TRPS1: variants seen among roughly 807,000 people sequenced by gnomAD.
TRPS1 encodes zinc finger transcription factor Trps1.
TRPS1 carries 6 observed loss-of-function variants against 101.2 expected under a neutral mutation model. The ratio of observed to expected loss-of-function variants is 0.06; its 90% CI spans 0.03 to 0.12. The LOEUF (loss-of-function observed/expected upper bound fraction) is 0.12. TRPS1 is among the 10% of genes least tolerant of loss of function. The probability of loss-of-function intolerance (pLI) is 1.00; values close to 1 mark genes in which losing one functional copy is unlikely to be tolerated. For missense variants in TRPS1, 1,363 were observed against 1,567.0 expected, an observed-to-expected ratio of 0.87 and a Z score of 2.20; for synonymous variants, 578 against 589.8, an observed-to-expected ratio of 0.98 and a Z score of 0.29.
At chr8:115,491,224 T>C (rs1396725966) in intron 5 of TRPS1, among the ~76,000 whole-genome samples, 3 of 152,204 alleles carry the variant, frequency 2.0e-5, no homozygotes, top group Non-Finnish European at 4.4e-5. Context: ...ACCTTTGTCT[T>C]TGTCTTTTCC....
At chr8:115,635,771 G>C (rs1358491467) in intron 1 of TRPS1, among the ~76,000 whole-genome samples, 2 of 152,150 alleles carry the variant, frequency 1.3e-5, no homozygotes, top group African/African-American at 2.4e-5. Context: ...GGCTTCTTAA[G>C]GGAACTGAGA....
intron 5 of TRPS1, among the ~76,000 whole-genome samples, chr8:115,450,274 T>G (rs1384594221): frequency 6.6e-6 from 1 of 152,212 alleles, no homozygotes; most frequent in Non-Finnish European, 1.5e-5. Flanking sequence ...AGCCAGAAAG[T>G]GAATTCCAAA....
chr8:115,477,911 C>A (rs1394544898), intron 5 of TRPS1, among the ~76,000 whole-genome samples: 1 of 151,664 alleles, frequency 6.6e-6, no homozygotes, highest in Non-Finnish European at 1.5e-5. Flanking sequence ...ATAGTGTGTT[C>A]AGCAAATCCC....
intron 1 of TRPS1, among the ~76,000 whole-genome samples, chr8:115,638,865 A>G (rs920244728): frequency 1.3e-5 from 2 of 152,162 alleles, no homozygotes; most frequent in African/African-American, 2.4e-5. Context: ...AATGAATAAG[A>G]TAATGTATAC....
chr8:115,500,776 G>C (rs867920901), intron 5 of TRPS1, among the ~76,000 whole-genome samples: 4 of 151,612 alleles, frequency 2.6e-5, no homozygotes. Flanking sequence ...GGGTTTCACC[G>C]TGTTAGCCAG....
chr8:115,565,566 C>T (rs1817049676), intron 5 of TRPS1, among the ~76,000 whole-genome samples: 1 of 150,758 alleles, frequency 6.6e-6, no homozygotes, highest in African/African-American at 2.4e-5. Context: ...TAAGCGTGTG[C>T]TTTCATACAT....
chr8:115,417,721 C>T (rs1812956038), intron 6 of TRPS1, among the ~76,000 whole-genome samples: 1 of 152,124 alleles, frequency 6.6e-6, no homozygotes, highest in Non-Finnish European at 1.5e-5. Flanking sequence ...TATCTTTGCA[C>T]CTTACTCTAC....
At chr8:115,551,533 A>C (rs1236260423) in intron 5 of TRPS1, among the ~76,000 whole-genome samples, 4 of 152,212 alleles carry the variant, frequency 2.6e-5, no homozygotes, top group Non-Finnish European at 5.9e-5. Flanking sequence ...ATGCCACTAA[A>C]GTCTTTATCA....
chr8:115,646,091 G>A (rs921655454), intron 1 of TRPS1, among the ~76,000 whole-genome samples: 1 of 152,054 alleles, frequency 6.6e-6, no homozygotes, highest in African/African-American at 2.4e-5. Context: ...CATAGTTAAT[G>A]ACACACAGAA....
chr8:115,492,223 T>G (rs1375039193), intron 5 of TRPS1: 2 of 456,160 alleles, frequency 4.4e-6, no homozygotes, highest in Non-Finnish European at 8.8e-6. Flanking sequence ...GTGCTCTTGG[T>G]TGGAAGCTTT....
chr8:115,438,098 T>A (rs1253768844), intron 5 of TRPS1, among the ~76,000 whole-genome samples: 1 of 152,092 alleles, frequency 6.6e-6, no homozygotes, highest in Non-Finnish European at 1.5e-5. Flanking sequence ...AATAGGAAAC[T>A]GCAAGGTTCA....
chr8:115,425,222 C>T (rs1460864622), intron 5 of TRPS1, among the ~76,000 whole-genome samples: 1 of 152,116 alleles, frequency 6.6e-6, no homozygotes, highest in Non-Finnish European at 1.5e-5. Context: ...GTGAAGAATC[C>T]GTTGAAATGG....
chr8:115,500,837 T>C (rs1292780004), intron 5 of TRPS1, among the ~76,000 whole-genome samples: 1 of 152,140 alleles, frequency 6.6e-6, no homozygotes, highest in Non-Finnish European at 1.5e-5. Context: ...CCTCCCAAAG[T>C]GCTAGGATTA....
intron 5 of TRPS1, among the ~76,000 whole-genome samples, chr8:115,493,174 T>C (rs16887495): frequency 0.036 from 5,548 of 152,262 alleles, 377 homozygotes; most frequent in African/African-American, 0.13. Context: ...GTGAAAACAT[T>C]TTGTGATCCA....
intron 5 of TRPS1, among the ~76,000 whole-genome samples, chr8:115,488,461 C>T (rs184361256): frequency 1.4e-4 from 22 of 152,058 alleles, no homozygotes; most frequent in Non-Finnish European, 2.5e-4. Flanking sequence ...GAGGCCAAAG[C>T]GGGTGGATCA....
chr8:115,630,128 G>A (rs1450584481), intron 1 of TRPS1, among the ~76,000 whole-genome samples: 1 of 151,940 alleles, frequency 6.6e-6, no homozygotes, highest in East Asian at 1.9e-4. Context: ...CACAAAGCCA[G>A]ATAGAGTGGT....
At chr8:115,516,761 G>A (rs1815721854) in intron 5 of TRPS1, among the ~76,000 whole-genome samples, 2 of 151,548 alleles carry the variant, frequency 1.3e-5, no homozygotes, top group African/African-American at 4.8e-5. Flanking sequence ...GTTTATAGAG[G>A]TTAAAGAGTA....
intron 5 of TRPS1, among the ~76,000 whole-genome samples, chr8:115,536,280 G>C (rs1816316725): frequency 6.6e-6 from 1 of 152,064 alleles, no homozygotes; most frequent in African/African-American, 2.4e-5. Flanking sequence ...CAGCACTTTG[G>C]GAGGCCGAGG....
chr8:115,657,589 C>A (rs1392732769), intron 1 of TRPS1, among the ~76,000 whole-genome samples: 3 of 152,086 alleles, frequency 2.0e-5, no homozygotes, highest in African/African-American at 7.2e-5. Flanking sequence ...TTCAAGTATT[C>A]TTCTGCCCTA....
Sources: gnomAD v4.1 joint callset for allele counts (sites outside exome capture counted in the v4.1 genomes callset) on GRCh38, gnomAD v4.1.1 for gene constraint, MANE v1.5 for transcripts, NCBI Gene and HGNC (gene_info 2026-07-23, HGNC 2026-07-21) for gene names.